The following SLC4A10 variants were observed in gnomAD, a reference collection of about 807,000 sequenced individuals.
SLC4A10 encodes the protein sodium-driven chloride bicarbonate exchanger.
SLC4A10 carries 42 observed loss-of-function variants against 137.7 expected under a neutral mutation model. The ratio of observed to expected loss-of-function variants is 0.30; its 90% confidence interval spans 0.24 to 0.39. The LOEUF is 0.39. Among genes scored for constraint, SLC4A10 ranks in the 10% least tolerant of loss-of-function variants. SLC4A10 has a pLI of 1.00. For missense variants in SLC4A10, 925 were observed against 1,355.0 expected (o/e 0.68, Z 4.98); for synonymous variants, 474 against 464.1 (o/e 1.02, Z -0.27).
chr2:161,865,723 G>A (rs185946575), intron 6 of SLC4A10, among the ~76,000 whole-genome samples: 1 of 152,068 alleles, frequency 6.6e-6, no homozygotes, highest in Admixed American at 6.5e-5. Flanking sequence ...GACCTTTACT[G>A]CTAAGGTTCT....
At chr2:161,775,648 G>T (rs780183393) in intron 2 of SLC4A10, among the ~76,000 whole-genome samples, 10 of 151,908 alleles carry the variant, frequency 6.6e-5, no homozygotes, top group Middle Eastern at 3.4e-3. Flanking sequence ...GAGGTGAGGC[G>T]AGTTTCTATA....
intron 2 of SLC4A10, among the ~76,000 whole-genome samples, chr2:161,789,099 G>C (rs762102074): frequency 6.6e-6 from 1 of 152,208 alleles, no homozygotes; most frequent in Non-Finnish European, 1.5e-5. Flanking sequence ...CACAATGAGT[G>C]CACAACCAGT....
chr2:161,759,473 C>T (rs2050016905), intron 1 of SLC4A10, among the ~76,000 whole-genome samples: 1 of 151,964 alleles, frequency 6.6e-6, no homozygotes, highest in African/African-American at 2.4e-5. Context: ...TGACCAATAT[C>T]TCCCCATTTC....
intron 1 of SLC4A10, among the ~76,000 whole-genome samples, chr2:161,733,832 C>T (rs2047053843): frequency 6.6e-6 from 1 of 152,184 alleles, no homozygotes. Context: ...ACTATGGGAA[C>T]CTACCTCTTG....
At chr2:161,940,435 T>C (rs1179212866) in intron 15 of SLC4A10, among the ~76,000 whole-genome samples, 2 of 152,162 alleles carry the variant, frequency 1.3e-5, no homozygotes, top group Non-Finnish European at 2.9e-5. Context: ...CTGAGAATAG[T>C]ATGGGTTCCC....
intron 10 of SLC4A10, among the ~76,000 whole-genome samples, chr2:161,886,375 T>C (rs1476619805): frequency 6.6e-6 from 1 of 152,170 alleles, no homozygotes; most frequent in Non-Finnish European, 1.5e-5. Context: ...GAACAGTATG[T>C]ACTTTTGAAG....
chr2:161,823,929 A>G (rs972347463), intron 3 of SLC4A10, among the ~76,000 whole-genome samples: 3 of 152,244 alleles, frequency 2.0e-5, no homozygotes, highest in African/African-American at 7.2e-5. Flanking sequence ...CTATAAAACT[A>G]CTAACCCTAG....
chr2:161,948,838 A>G (rs1694296317), intron 17 of SLC4A10, among the ~76,000 whole-genome samples: 1 of 152,106 alleles, frequency 6.6e-6, no homozygotes, highest in Admixed American at 6.6e-5. Flanking sequence ...TGCATTCTGA[A>G]TATTCACATG....
chr2:161,894,950 A>G (rs1272725747), intron 11 of SLC4A10, 125 bp downstream of exon 11: 4 of 448,890 alleles, frequency 8.9e-6, no homozygotes, highest in South Asian at 9.9e-5. Context: ...TTTAGGGTAC[A>G]TGTGCACAAT....
chr2:161,788,352 G>T (rs2053853750), intron 2 of SLC4A10, among the ~76,000 whole-genome samples: 1 of 151,874 alleles, frequency 6.6e-6, no homozygotes, highest in Admixed American at 6.5e-5. Context: ...TTTTTTATTT[G>T]GTGGTGCAAT....
At chr2:161,893,597 A>ACAGGAGCTTAAG (rs908979141) in intron 10 of SLC4A10, among the ~76,000 whole-genome samples, 3 of 151,952 alleles carry the variant, frequency 2.0e-5, no homozygotes, top group Non-Finnish European at 4.4e-5. Flanking sequence ...TACTTGGAAG[A>ACAGGAGCTTAAG]CAGGAGCTTA....
intron 3 of SLC4A10, among the ~76,000 whole-genome samples, chr2:161,809,986 A>T (rs2056382761): frequency 6.6e-6 from 1 of 151,982 alleles, no homozygotes; most frequent in Non-Finnish European, 1.5e-5. Context: ...CATTTTAATG[A>T]TATTGATTCT....
At chr2:161,795,389 T>G in intron 2 of SLC4A10, among the ~76,000 whole-genome samples, 1 of 152,164 alleles carries the variant, frequency 6.6e-6, no homozygotes, top group Non-Finnish European at 1.5e-5. Context: ...TTTTTTAACT[T>G]ACTGAGGGAT....
At chr2:161,696,185 T>A (rs13392446) in intron 1 of SLC4A10, among the ~76,000 whole-genome samples, 139,295 of 151,876 alleles carry the variant, frequency 0.92, 63,962 homozygotes, top group East Asian at 1. Flanking sequence ...TCCCTGTGAT[T>A]GTTTGCTGAG....
chr2:161,909,907 G>T (rs1378874367), intron 15 of SLC4A10, among the ~76,000 whole-genome samples: 1 of 152,062 alleles, frequency 6.6e-6, no homozygotes, highest in Admixed American at 6.6e-5. Flanking sequence ...TTTTCACACT[G>T]AATCAGTGTC....
At chr2:161,888,511 C>T (rs2062560274) in intron 10 of SLC4A10, among the ~76,000 whole-genome samples, 1 of 152,172 alleles carries the variant, frequency 6.6e-6, no homozygotes, top group South Asian at 2.1e-4. Flanking sequence ...TCCTTCACAT[C>T]CCTTGTAAGT....
chr2:161,781,977 G>C (rs1439745806), intron 2 of SLC4A10, among the ~76,000 whole-genome samples: 1 of 152,044 alleles, frequency 6.6e-6, no homozygotes, highest in Non-Finnish European at 1.5e-5. Context: ...AACTTCGATG[G>C]GGGCTACCCA....
intron 23 of SLC4A10, among the ~76,000 whole-genome samples, chr2:161,967,826 T>A (rs1697869518): frequency 6.6e-6 from 1 of 152,210 alleles, no homozygotes; most frequent in South Asian, 2.1e-4. Context: ...TGGTTTTATT[T>A]ATTCTTAATG....
At chr2:161,980,808 G>T (rs1401244020) in intron 26 of SLC4A10, among the ~76,000 whole-genome samples, 1 of 152,068 alleles carries the variant, frequency 6.6e-6, no homozygotes, top group Non-Finnish European at 1.5e-5. Flanking sequence ...TATCTATCTT[G>T]TACTCCTAGG....
Sources: gnomAD v4.1 joint callset for allele counts (sites outside exome capture counted in the v4.1 genomes callset) on GRCh38, gnomAD v4.1.1 for gene constraint, MANE v1.5 for transcripts, NCBI Gene and HGNC (gene_info 2026-07-23, HGNC 2026-07-21) for gene names.